PTPRM: variants seen among roughly 807,000 people sequenced by gnomAD.
PTPRM encodes protein tyrosine phosphatase receptor type M.
Under a neutral mutation model 186.7 loss-of-function variants are expected in PTPRM, and 47 were observed. The ratio of observed to expected loss-of-function variants is 0.25; its 90% confidence interval spans 0.20 to 0.32. The LOEUF is 0.32. Ranked by LOEUF, PTPRM falls within the 10% of genes least tolerant of loss-of-function variation. The pLI is 1.00. For missense variants in PTPRM, 1,494 were observed against 1,865.0 expected (o/e 0.80, Z 3.66); for synonymous variants, 668 against 674.9 (o/e 0.99, Z 0.16).
chr18:8,273,416 G>A (rs1442711281), intron 19 of PTPRM, among the ~76,000 whole-genome samples: 2 of 152,100 alleles, frequency 1.3e-5, no homozygotes, highest in African/African-American at 4.8e-5. Context: ...AATTGCAGTG[G>A]TTCTGAAAGA....
chr18:7,592,773 G>A (rs1251039017), intron 1 of PTPRM, among the ~76,000 whole-genome samples: 1 of 152,194 alleles, frequency 6.6e-6, no homozygotes, highest in Non-Finnish European at 1.5e-5. Context: ...AACATTCCCA[G>A]GGTTTGATTG....
chr18:8,095,326 T>C (rs2090960592), intron 11 of PTPRM, among the ~76,000 whole-genome samples: 1 of 151,900 alleles, frequency 6.6e-6, no homozygotes, highest in Non-Finnish European at 1.5e-5. Flanking sequence ...ATCTGTGTGA[T>C]GTGGAGTATG....
intron 31 of PTPRM, among the ~76,000 whole-genome samples, chr18:8,387,756 G>C (rs1449441712): frequency 1.2e-5 from 1 of 80,130 alleles, no homozygotes; most frequent in South Asian, 3.6e-4. Flanking sequence ...GTGCGTGTGT[G>C]CGTGTGTGTG....
intron 14 of PTPRM, among the ~76,000 whole-genome samples, chr18:8,189,129 CA>C (rs908238485): frequency 2.6e-5 from 4 of 151,832 alleles, no homozygotes; most frequent in African/African-American, 9.7e-5. Flanking sequence ...GACAAGACCC[CA>C]TCTCTACAAA....
chr18:7,888,368 C>G lies in PTPRM; in HGVS notation c.459C>G (p.Asn153Lys), dbSNP rs147856783. Residue 153 changes from asparagine to lysine, a missense_variant, in exon 3 of 33, where the codon AAC (asparagine) becomes AAG (lysine). Transcript: ENST00000580170. The stretch of plus-strand genomic sequence containing the variant: ...TGGCCATTAGTACTTTCTGGCCTAA[C>G]TTTTATCAGGTATGTGCTTTCTTTT... ...AELAISTFWPNFYQVIFEVIT... is the reference protein window; with the variant it reads ...AELAISTFWPKFYQVIFEVIT... The G allele has an allele frequency of 5.0e-6, 8 of 1,606,372 alleles. No homozygotes were observed. In the African/African-American group the frequency reaches 6.7e-5, roughly 13 times the overall value.
chr18:8,063,029 G>A (rs1429978598), intron 7 of PTPRM, among the ~76,000 whole-genome samples: 1 of 151,032 alleles, frequency 6.6e-6, no homozygotes, highest in Non-Finnish European at 1.5e-5. Context: ...AATCAAGCCT[G>A]GGCAATGGCG....
intron 21 of PTPRM, 50 bp downstream of exon 21, chr18:8,314,907 G>A (rs1180804867): frequency 8.0e-7 from 1 of 1,255,868 alleles, no homozygotes; most frequent in African/African-American, 1.5e-5. Flanking sequence ...TACATATTTG[G>A]GTGCTATGTA....
At chr18:7,584,568 A>T (rs932277294) in intron 1 of PTPRM, among the ~76,000 whole-genome samples, 1 of 147,566 alleles carries the variant, frequency 6.8e-6, no homozygotes, top group African/African-American at 2.5e-5. Context: ...TTGTGTTGGC[A>T]TTTTTTTTTT....
chr18:7,641,093 C>T (rs1029965175), intron 1 of PTPRM, among the ~76,000 whole-genome samples: 7 of 152,170 alleles, frequency 4.6e-5, no homozygotes, highest in African/African-American at 1.7e-4. Context: ...TTCAGCTTTT[C>T]TTTCTCTTTG....
chr18:7,751,960 G>A (rs2041239925), intron 1 of PTPRM, among the ~76,000 whole-genome samples: 1 of 152,186 alleles, frequency 6.6e-6, no homozygotes, highest in Admixed American at 6.5e-5. Context: ...AAGTTTGACG[G>A]GACATAGGGA....
chr18:8,106,182 G>C (rs570755670), intron 11 of PTPRM, among the ~76,000 whole-genome samples: 2 of 152,026 alleles, frequency 1.3e-5, no homozygotes, highest in South Asian at 2.1e-4. Context: ...GGGGACTCCT[G>C]GGGGCATACC....
chr18:7,779,142 T>G (rs2042734469), intron 2 of PTPRM, among the ~76,000 whole-genome samples: 1 of 152,238 alleles, frequency 6.6e-6, no homozygotes, highest in African/African-American at 2.4e-5. Context: ...GCTATAACCG[T>G]AGCTATTTGA....
intron 19 of PTPRM, among the ~76,000 whole-genome samples, chr18:8,263,686 G>C (rs1404927089): frequency 6.6e-6 from 1 of 152,062 alleles, no homozygotes; most frequent in African/African-American, 2.4e-5. Context: ...CCAACCTCCA[G>C]CGAAGAGGGG....
chr18:7,756,822 T>C (rs2041515056), intron 1 of PTPRM, among the ~76,000 whole-genome samples: 1 of 152,172 alleles, frequency 6.6e-6, no homozygotes, highest in Non-Finnish European at 1.5e-5. Flanking sequence ...CCTTGTGTTG[T>C]AAAGGGGGGA....
chr18:8,378,145 C>G, intron 26 of PTPRM, 120 bp from the exon 27 acceptor site: 1 of 1,026,846 alleles, frequency 9.7e-7, no homozygotes, highest in South Asian at 1.6e-5. Flanking sequence ...GCCCTTGGAC[C>G]GTGTTTCTCT....
At chr18:8,032,133 G>A (rs2086018286) in intron 7 of PTPRM, among the ~76,000 whole-genome samples, 1 of 152,168 alleles carries the variant, frequency 6.6e-6, no homozygotes, top group African/African-American at 2.4e-5. Flanking sequence ...CAAGAGTCCA[G>A]CAAATACATA....
intron 1 of PTPRM, among the ~76,000 whole-genome samples, chr18:7,678,722 T>G (rs950069604): frequency 3.3e-5 from 5 of 152,256 alleles, no homozygotes; most frequent in Admixed American, 2.6e-4. Context: ...ATATCTTTGC[T>G]GGTCTGTACC....
chr18:7,618,552 G>A (rs960247834), intron 1 of PTPRM, among the ~76,000 whole-genome samples: 2 of 152,012 alleles, frequency 1.3e-5, no homozygotes, highest in Non-Finnish European at 2.9e-5. Flanking sequence ...AAACCTGAAA[G>A]GAAAAAAACC....
At chr18:8,179,355 T>A (rs1243467650) in intron 14 of PTPRM, among the ~76,000 whole-genome samples, 1 of 152,224 alleles carries the variant, frequency 6.6e-6, no homozygotes, top group East Asian at 1.9e-4. Context: ...AATGGAAGGA[T>A]TATTTCAGTC....
Sources: gnomAD v4.1 joint callset for allele counts (sites outside exome capture counted in the v4.1 genomes callset) on GRCh38, gnomAD v4.1.1 for gene constraint, MANE v1.5 for transcripts, NCBI Gene and HGNC (gene_info 2026-07-23, HGNC 2026-07-21) for gene names.